The following BTBD9 variants were observed in gnomAD, a reference collection of about 807,000 sequenced individuals.
BTBD9 encodes the protein BTB/POZ domain-containing protein 9.
Under a neutral mutation model 64.3 loss-of-function variants are expected in BTBD9, and 49 were observed. That is an observed-to-expected ratio of 0.76 (90% CI 0.61 to 0.97). The LOEUF is 0.97. BTBD9 is among the 50% of genes least tolerant of loss of function. BTBD9 has a pLI of 0.00. For synonymous variants in BTBD9, 260 were observed against 274.7 expected (o/e 0.95, Z 0.53); for missense variants, 598 against 762.1 (o/e 0.78, Z 2.53).
At chr6:38,187,602 G>A (rs1761873042) in intron 10 of BTBD9, among the ~76,000 whole-genome samples, 1 of 152,156 alleles carries the variant, frequency 6.6e-6, no homozygotes, top group Non-Finnish European at 1.5e-5. Context: ...AGGCGAGCAG[G>A]GAGCAGAGGA....
At chr6:38,191,911 C>T (rs1336788247) in intron 10 of BTBD9, among the ~76,000 whole-genome samples, 1 of 152,254 alleles carries the variant, frequency 6.6e-6, no homozygotes, top group Non-Finnish European at 1.5e-5. Flanking sequence ...AAACCTCAAG[C>T]ACTGGGTCCC....
chr6:38,335,973 GATCCAC>G (rs1763877507), intron 7 of BTBD9, among the ~76,000 whole-genome samples: 2 of 152,060 alleles, frequency 1.3e-5, no homozygotes, highest in South Asian at 4.1e-4. Context: ...GACCTCAGGT[GATCCAC>G]CAAACCTCAG....
intron 6 of BTBD9, among the ~76,000 whole-genome samples, chr6:38,392,728 T>C (rs1454172819): frequency 6.6e-6 from 1 of 152,158 alleles, no homozygotes; most frequent in Non-Finnish European, 1.5e-5. Context: ...CCGTGCCCTT[T>C]TAATGAACCT....
intron 8 of BTBD9, among the ~76,000 whole-genome samples, chr6:38,263,155 T>C (rs1764851498): frequency 6.6e-6 from 1 of 152,234 alleles, no homozygotes; most frequent in Non-Finnish European, 1.5e-5. Context: ...CAAAAATGTA[T>C]ACAGTATATT....
At chr6:38,382,186 C>T (rs979571334) in intron 6 of BTBD9, among the ~76,000 whole-genome samples, 6 of 152,202 alleles carry the variant, frequency 3.9e-5, no homozygotes, top group African/African-American at 1.4e-4. Context: ...CTATCTCCCA[C>T]AACACCTTAG....
Position 38,171,869 on chromosome 6 carries a change from AAAAAAAAAAAAAATAATAATAATAAT to A in BTBD9, c.*3090_*3115del, listed in dbSNP as rs1766793946. ...CTCAAAAAAAAAAAAAAAAAAAAAA[AAAAAAAAAAAAAATAATAATAATAAT>A]AATAATAATAATAATGAAAAGTGAA... On this transcript the variant is annotated 3_prime_UTR_variant, in exon 11 of 11. Transcript: ENST00000481247. 1 of 100,668 alleles carries A rather than the reference AAAAAAAAAAAAAATAATAATAATAAT, an allele frequency of 9.9e-6. No homozygotes were observed. The highest frequency in any genetic ancestry group is 3.4e-5 in the African/African-American group (1 of 29,254). 6.2% of individuals were successfully genotyped at this position (100,668 alleles called of 1,614,324 possible).
chr6:38,230,541 C>G (rs983097986), intron 9 of BTBD9, among the ~76,000 whole-genome samples: 1 of 148,090 alleles, frequency 6.8e-6, no homozygotes, highest in Non-Finnish European at 1.5e-5. Flanking sequence ...TCTTACTACT[C>G]CCTTGCCTAA....
At chr6:38,368,194 T>C (rs1765260644) in intron 6 of BTBD9, among the ~76,000 whole-genome samples, 2 of 152,226 alleles carry the variant, frequency 1.3e-5, no homozygotes, top group Non-Finnish European at 1.5e-5. Context: ...ATATACTGTA[T>C]ATCTGCTTAT....
chr6:38,268,119 C>T (rs1238209905), intron 8 of BTBD9, among the ~76,000 whole-genome samples: 2 of 152,180 alleles, frequency 1.3e-5, no homozygotes, highest in Non-Finnish European at 2.9e-5. Flanking sequence ...AATGCAAAAA[C>T]AACCTCCCCC....
chr6:38,579,887 T>C (rs1776211843), intron 5 of BTBD9, among the ~76,000 whole-genome samples: 2 of 152,302 alleles, frequency 1.3e-5, no homozygotes, highest in Admixed American at 6.5e-5. Flanking sequence ...TGTGTATGTG[T>C]CCATGCATAA....
chr6:38,511,340 CTTTTTT>C (rs34407005), intron 6 of BTBD9, among the ~76,000 whole-genome samples: 1 of 107,484 alleles, frequency 9.3e-6, no homozygotes, highest in Non-Finnish European at 2.0e-5. Context: ...TTGGAAATGC[CTTTTTT>C]TTTTTTTTTT....
chr6:38,310,956 C>T (rs1408724476), intron 7 of BTBD9, among the ~76,000 whole-genome samples: 2 of 152,106 alleles, frequency 1.3e-5, no homozygotes, highest in East Asian at 1.9e-4. Flanking sequence ...TACAGGCAGG[C>T]GCCACCTCAC....
intron 6 of BTBD9, among the ~76,000 whole-genome samples, chr6:38,458,442 A>G (rs1769920307): frequency 6.6e-6 from 1 of 152,190 alleles, no homozygotes; most frequent in South Asian, 2.1e-4. Flanking sequence ...TTGTCCTCCC[A>G]AAAGACTCAG....
intron 4 of BTBD9, chr6:38,587,743 G>A: frequency 1.5e-6 from 1 of 683,358 alleles, no homozygotes; most frequent in Non-Finnish European, 2.8e-6. Context: ...TCCTGAAAAT[G>A]TTACTGTGAA....
chr6:38,197,953 G>C (rs1762321225), intron 9 of BTBD9, among the ~76,000 whole-genome samples: 1 of 152,194 alleles, frequency 6.6e-6, no homozygotes, highest in African/African-American at 2.4e-5. Context: ...CTGAGGAGAG[G>C]GCGAGGACTG....
At chr6:38,576,631 G>T (rs1185634925) in intron 6 of BTBD9, among the ~76,000 whole-genome samples, 1 of 152,148 alleles carries the variant, frequency 6.6e-6, no homozygotes, top group Non-Finnish European at 1.5e-5. Flanking sequence ...ATCAGCCACA[G>T]TGGGAGATCA....
intron 6 of BTBD9, among the ~76,000 whole-genome samples, chr6:38,376,486 T>C (rs1765699806): frequency 6.6e-6 from 1 of 152,202 alleles, no homozygotes; most frequent in African/African-American, 2.4e-5. Flanking sequence ...AGGAGGTTAA[T>C]GTATAAAATA....
At chr6:38,322,083 C>G (rs939756421) in intron 7 of BTBD9, among the ~76,000 whole-genome samples, 5 of 151,890 alleles carry the variant, frequency 3.3e-5, no homozygotes, top group African/African-American at 4.8e-5. Context: ...TCCCACCAAA[C>G]GAGAAGGAAG....
intron 7 of BTBD9, among the ~76,000 whole-genome samples, chr6:38,305,792 C>T (rs1263489777): frequency 6.6e-6 from 1 of 152,106 alleles, no homozygotes. Flanking sequence ...CCCTTAAAGA[C>T]TATAAAAGGT....
Sources: gnomAD v4.1 joint callset for allele counts (sites outside exome capture counted in the v4.1 genomes callset) on GRCh38, gnomAD v4.1.1 for gene constraint, MANE v1.5 for transcripts, NCBI Gene and HGNC (gene_info 2026-07-23, HGNC 2026-07-21) for gene names.